The following CYFIP1 variants were observed in gnomAD, a reference collection of about 807,000 sequenced individuals.
CYFIP1 encodes the protein cytoplasmic FMR1-interacting protein 1.
A neutral mutation model predicts 163.5 loss-of-function variants in CYFIP1; 58 were observed. That is an observed-to-expected ratio of 0.35 (90% CI 0.29 to 0.44). The LOEUF is 0.44. Ranked by LOEUF, CYFIP1 falls within the 20% of genes least tolerant of loss-of-function variation. CYFIP1 has a pLI of 1.00. For missense variants in CYFIP1, 1,338 were observed against 1,653.8 expected, an observed-to-expected ratio of 0.81 and a Z score of 3.31; for synonymous variants, 663 against 660.7, an observed-to-expected ratio of 1.00 and a Z score of -0.05.
At chr15:22,882,026 A>C in intron 24 of CYFIP1, 90 bp from the exon 25 acceptor site, 2 of 1,119,838 alleles carry the variant, frequency 1.8e-6, no homozygotes, top group South Asian at 2.7e-5. Flanking sequence ...CAAGTCTGTT[A>C]GCAAAGAGCT....
intron 1 of CYFIP1, among the ~76,000 whole-genome samples, chr15:22,964,545 C>A (rs753966749): frequency 3.3e-5 from 5 of 152,140 alleles, no homozygotes; most frequent in Admixed American, 6.5e-5. Context: ...CCCTGCCCGG[C>A]AGCTCCCCGG....
chr15:22,917,281 G>A lies in CYFIP1; in HGVS notation c.1674+507C>T, dbSNP rs761819811. The stretch of plus-strand genomic sequence containing the variant: ...TGAGGGAGAAGACCAGCCCCAGGAC[G>A]GAGGACAGACGCAGCGGTGTGGATT... On this transcript the variant is annotated intron_variant, in intron 15 of 30. Coordinates refer to ENST00000617928, the MANE Select transcript of CYFIP1 (RefSeq NM_014608.6). The surrounding 1 kb of genome is among the most constrained non-coding windows in gnomAD (Gnocchi z 4.2). The A allele has an allele frequency of 9.6e-5, 132 of 1,376,348 alleles. No homozygotes were observed. Among genetic ancestry groups the A allele is most frequent in the Middle Eastern group, 2.7e-4 (1 of 3,756 alleles). 85.3% of individuals were successfully genotyped at this position (1,376,348 alleles called of 1,614,324 possible). A position where few individuals can be genotyped will look rare whatever the true frequency, so the allele number is the denominator to read the frequency against.
chr15:22,977,222 G>A lies in CYFIP1; in HGVS notation c.-7+3065C>T, dbSNP rs974248631. ...CTCAAAAAAAAAAAAGAAAAATAAG[G>A]TCGCCTTCTGTGTGTTGACTTTGTA... On this transcript the variant is annotated intron_variant, in intron 1 of 30. Transcript: ENST00000617928. Among the ~76,000 whole-genome samples the A allele has an allele frequency of 1.3e-5, 2 of 151,750 alleles. 1 individual carries two copies. Among genetic ancestry groups the A allele is most frequent in the African/African-American group, 4.8e-5 (2 of 41,342 alleles).
rs549866189 is a variant in CYFIP1 at position 22,917,248 on chromosome 15, G to A, written c.1674+540C>T. 5.9e-5 allele frequency: 83 copies of A among 1,398,092 alleles called. No homozygotes were observed. The highest frequency in any genetic ancestry group is 1.9e-4 in the South Asian group (11 of 56,854). The allele number at this position is 1,398,092 out of a possible 1,614,324, so 86.6% of individuals were successfully genotyped here. On this transcript the variant is annotated intron_variant, in intron 15 of 30. Coordinates refer to ENST00000617928, the MANE Select transcript of CYFIP1 (RefSeq NM_014608.6). The surrounding 1 kb of genome is among the most constrained non-coding windows in gnomAD (Gnocchi z 4.2). ...GTGGCAGAAGAGATTAAAAGCCTCC[G>A]GCAGAGATGAGGGAGAAGACCAGCC...
chr15:22,883,732 G>C (rs1474229239), intron 23 of CYFIP1, among the ~76,000 whole-genome samples: 1 of 150,662 alleles, frequency 6.6e-6, no homozygotes, highest in Admixed American at 6.6e-5. Flanking sequence ...CAGGAGAATG[G>C]CATGAACCTG....
chr15:22,956,043 C>T (rs1389005597), intron 1 of CYFIP1, among the ~76,000 whole-genome samples: 1 of 152,046 alleles, frequency 6.6e-6, no homozygotes, highest in East Asian at 1.9e-4. Flanking sequence ...ACTTCCTCTA[C>T]TAAAAATACA....
In CYFIP1 at chr15:22,867,187, ATT is replaced by A. The variant is rs1248861002; in HGVS notation, c.*2839_*2840del. On this transcript the variant is annotated 3_prime_UTR_variant, in exon 31 of 31. Coordinates refer to ENST00000617928, the MANE Select transcript of CYFIP1 (RefSeq NM_014608.6). ...TTGGTGATGAAAGTCTGAAATGTGC[ATT>A]TGTCATCCCCACTCCATCAATCCCT... is the stretch of plus-strand genomic sequence containing the variant. 1 of 435,388 alleles carries A rather than the reference ATT, an allele frequency of 2.3e-6. No individual in the cohort carries two copies. The highest frequency in any genetic ancestry group is 2.0e-5 in the African/African-American group (1 of 48,884). The allele number at this position is 435,388 out of a possible 1,614,324, so 27.0% of individuals were successfully genotyped here.
chr15:22,881,996 G>C (rs1207041348), intron 24 of CYFIP1, 60 bp from the exon 25 acceptor site: 47 of 1,454,930 alleles, frequency 3.2e-5, no homozygotes, highest in Non-Finnish European at 4.5e-5. Context: ...TAACGCCTGT[G>C]GCCGGCGCAT....
At chr15:22,894,739 C>T (rs1473264375) in intron 22 of CYFIP1, among the ~76,000 whole-genome samples, 1 of 150,108 alleles carries the variant, frequency 6.7e-6, no homozygotes. Flanking sequence ...AATGCAATTA[C>T]TCTTTATAAT....
intron 1 of CYFIP1, among the ~76,000 whole-genome samples, chr15:22,949,808 T>C (rs2062189767): frequency 6.6e-6 from 1 of 151,902 alleles, no homozygotes; most frequent in Non-Finnish European, 1.5e-5. Flanking sequence ...TATGAAATGT[T>C]AATAAGCATG....
At chr15:22,878,953 G>A (rs539385369) in intron 26 of CYFIP1, among the ~76,000 whole-genome samples, 1 of 152,104 alleles carries the variant, frequency 6.6e-6, no homozygotes, top group East Asian at 1.9e-4. Context: ...TGGCTAACAC[G>A]GTGAAACCCC....
chr15:22,914,878 C>A lies in CYFIP1; in HGVS notation c.1833G>T (p.Thr611=), dbSNP rs752483527. The A allele has an allele frequency of 2.9e-5, 46 of 1,605,868 alleles. No homozygotes were observed. The South Asian group carries it at 3.7e-4, about 13-fold the overall frequency. Residue 611 remains threonine, a synonymous_variant, in exon 17 of 31, where the codon ACG becomes ACT. Transcript: ENST00000617928. Reference sequence around the variant, plus strand: ...GCGAAAGGTCACAGCACTGCTGCAGCGTTTCTGGGAGGGTTCAAACAACTC... The same window carrying A: ...GCGAAAGGTCACAGCACTGCTGCAGAGTTTCTGGGAGGGTTCAAACAACTC... ...FYTHLINFSE[T]LQQCCDLSQL... is the part of the protein sequence containing the mutation.
intron 3 of CYFIP1, chr15:22,946,742 T>C (rs1302262530): frequency 3.1e-6 from 2 of 637,310 alleles, no homozygotes; most frequent in Non-Finnish European, 2.9e-6. Flanking sequence ...GGAGAGGGAA[T>C]GAGCATTAAC....
At position 22,873,804 on chromosome 15, in the gene CYFIP1, T is replaced by G. The variant is rs2059504531; in HGVS notation, c.3211-75A>C. 3.1e-6 allele frequency: 4 copies of G among 1,290,642 alleles called. No homozygotes were observed. In the Admixed American group the frequency reaches 7.5e-5, roughly 24 times the overall value. The allele number at this position is 1,290,642 out of a possible 1,614,324, so 79.9% of individuals were successfully genotyped here. A position where few individuals can be genotyped will look rare whatever the true frequency, so the allele number is the denominator to read the frequency against. Reference sequence around the variant, plus strand: ...TACTCCACATCCTCTATGTCTCTTTTCTCTTGAGACAGGGTCTTGCTCTGC... The same window carrying G: ...TACTCCACATCCTCTATGTCTCTTTGCTCTTGAGACAGGGTCTTGCTCTGC... On this transcript the variant is annotated intron_variant, in intron 28 of 30. Transcript: ENST00000617928.
intron 1 of CYFIP1, among the ~76,000 whole-genome samples, chr15:22,970,646 T>C (rs868380122): frequency 2.4e-4 from 37 of 152,340 alleles, no homozygotes; most frequent in Middle Eastern, 3.4e-3. Flanking sequence ...TTCACATATG[T>C]GGCCAAACAA....
At chr15:22,978,395 G>A (rs1182416019) in intron 1 of CYFIP1, among the ~76,000 whole-genome samples, 3 of 140,168 alleles carry the variant, frequency 2.1e-5, no homozygotes, top group Non-Finnish European at 1.5e-5. Flanking sequence ...AATACTATAC[G>A]GTTATTTAAA....
In CYFIP1 at chr15:22,937,149, A is replaced by T; in HGVS notation, c.855T>A (p.Asp285Glu). The change falls in exon 9 of 31, where the codon GAT becomes GAA. Residue 285 changes from aspartate to glutamate, a missense_variant. Physicochemically the swap from Asp to Glu is conservative, Grantham distance 45 (BLOSUM62 2). Coordinates refer to ENST00000617928, the MANE Select transcript of CYFIP1 (RefSeq NM_014608.6). ...TGGATAAGTTTATTCTTTTCTTGGC[A>T]TCCAACTTATAGATGTTACTGACAC... The part of the protein sequence containing the change: ...DGSVSNIYKL[D>E]AKKRINLSKI... 1 of 1,613,720 alleles carries T rather than the reference A, an allele frequency of 6.2e-7. No individual in the cohort carries two copies. Among genetic ancestry groups the T allele is most frequent in the South Asian group, 1.1e-5 (1 of 91,058 alleles).
rs368206263 is a variant in CYFIP1, at chr15:22,916,326, G to A, written c.1828+151C>T. ...TGTGGAGCGAGCTCAGGCCAGGGAC[G>A]TACAGCCACCGCCACAGAGGGCAGG... is the stretch of plus-strand genomic sequence containing the variant. On this transcript the variant is annotated intron_variant, in intron 16 of 30. Coordinates refer to ENST00000617928, the MANE Select transcript of CYFIP1 (RefSeq NM_014608.6). 762 of 650,886 alleles carry A rather than the reference G, an allele frequency of 1.2e-3. 1 individual carries two copies. The highest frequency in any genetic ancestry group is 3.9e-3 in the African/African-American group (212 of 54,978). The allele number at this position is 650,886 out of a possible 1,614,324, so 40.3% of individuals were successfully genotyped here. A position where few individuals can be genotyped will look rare whatever the true frequency, so the allele number is the denominator to read the frequency against.
chr15:22,964,982 TC>T (rs2062854237), intron 1 of CYFIP1, among the ~76,000 whole-genome samples: 2 of 152,338 alleles, frequency 1.3e-5, no homozygotes, highest in Middle Eastern at 6.8e-3. Flanking sequence ...TCCAGGTTTA[TC>T]CTTGTCACAA....
Sources: allele counts gnomAD v4.1 joint callset (sites outside exome capture counted in the v4.1 genomes callset), GRCh38; gene constraint gnomAD v4.1.1; non-coding constraint Gnocchi (gnomAD v3.1); transcripts MANE v1.5; gene names NCBI Gene and HGNC (gene_info 2026-07-23, HGNC 2026-07-21).